ANKS1A: variants seen among roughly 807,000 people sequenced by gnomAD.
The protein encoded by ANKS1A is ankyrin repeat and sterile alpha motif domain containing 1A.
ANKS1A carries 55 observed loss-of-function variants against 120.3 expected under a neutral mutation model. The observed-to-expected ratio is 0.46, with a 90% CI of 0.37 to 0.57. The LOEUF is 0.57. Ranked by LOEUF, ANKS1A falls within the 20% of genes least tolerant of loss-of-function variation. ANKS1A has a pLI of 0.00. For missense variants in ANKS1A, 1,123 were observed against 1,480.3 expected, an observed-to-expected ratio of 0.76 and a Z score of 3.96; for synonymous variants, 590 against 604.7, an observed-to-expected ratio of 0.98 and a Z score of 0.36.
intron 11 of ANKS1A, among the ~76,000 whole-genome samples, chr6:35,028,274 G>C (rs549730255): frequency 6.6e-6 from 1 of 152,328 alleles, no homozygotes; most frequent in Admixed American, 6.5e-5. Flanking sequence ...TGGGCCAAAG[G>C]ACAGTGAAGA....
Position 34,989,320 on chromosome 6 carries a change from G to A in ANKS1A, c.1302+4G>A. ...TTTTCCCTTGACAGCTTCTGAGGTA[G>A]AGGGTTGTGGGTTTATTCCCCATTG... On this transcript the variant is annotated splice_donor_region_variant and intron_variant, in intron 9 of 23. Transcript: ENST00000360359. The A allele has an allele frequency of 6.2e-7, 1 of 1,613,178 alleles. No homozygotes were observed.
intron 1 of ANKS1A, among the ~76,000 whole-genome samples, chr6:34,943,023 A>C (rs1011255872): frequency 6.9e-6 from 1 of 145,540 alleles, no homozygotes; most frequent in Non-Finnish European, 1.5e-5. Flanking sequence ...GCTGGAGTGT[A>C]GTAGTACAGT....
chr6:34,993,705 G>C (rs549738925), intron 9 of ANKS1A, among the ~76,000 whole-genome samples: 61 of 152,354 alleles, frequency 4.0e-4, no homozygotes, highest in Admixed American at 1.4e-3. Context: ...TTGAGGGTCA[G>C]TTGGAAGTCA....
chr6:35,025,031 A>C (rs1254304853), intron 11 of ANKS1A, among the ~76,000 whole-genome samples: 1 of 152,064 alleles, frequency 6.6e-6, no homozygotes, highest in African/African-American at 2.4e-5. Flanking sequence ...TAGGACCTGG[A>C]GTGTCTATTT....
At chr6:35,006,319 A>T (rs887980667) in intron 10 of ANKS1A, among the ~76,000 whole-genome samples, 1 of 152,028 alleles carries the variant, frequency 6.6e-6, no homozygotes, top group Non-Finnish European at 1.5e-5. Context: ...TGTCTCAAAA[A>T]AAAAAAAAGA....
At chr6:34,973,756 C>G (rs546410954) in intron 3 of ANKS1A, among the ~76,000 whole-genome samples, 1 of 152,280 alleles carries the variant, frequency 6.6e-6, no homozygotes, top group Non-Finnish European at 1.5e-5. Flanking sequence ...GCTGTTGGGT[C>G]TTAATGGTAG....
chr6:35,020,377 A>G (rs1010556495), intron 11 of ANKS1A, among the ~76,000 whole-genome samples: 1 of 152,226 alleles, frequency 6.6e-6, no homozygotes, highest in Non-Finnish European at 1.5e-5. Flanking sequence ...GTTATATGCA[A>G]TGTTATTTCA....
intron 2 of ANKS1A, among the ~76,000 whole-genome samples, chr6:34,968,840 C>T (rs1001052796): frequency 6.6e-6 from 1 of 152,130 alleles, no homozygotes; most frequent in African/African-American, 2.4e-5. Context: ...TGTCACTTGT[C>T]CGATATTTGA....
At chr6:34,975,215 A>T (rs1375487896) in intron 3 of ANKS1A, among the ~76,000 whole-genome samples, 4 of 152,158 alleles carry the variant, frequency 2.6e-5, no homozygotes, top group African/African-American at 9.7e-5. Flanking sequence ...GCACTTTGGG[A>T]GGCTGAGGCT....
chr6:35,000,403 T>C (rs1773101266), intron 10 of ANKS1A, among the ~76,000 whole-genome samples: 1 of 151,906 alleles, frequency 6.6e-6, no homozygotes, highest in African/African-American at 2.4e-5. Flanking sequence ...TGTATTATAG[T>C]AACTTCTAAT....
chr6:35,004,448 C>T (rs899804634), intron 10 of ANKS1A, among the ~76,000 whole-genome samples: 34 of 151,796 alleles, frequency 2.2e-4, no homozygotes, highest in African/African-American at 7.3e-4. Flanking sequence ...CATAGCAAGA[C>T]CCCCATCTCT....
At chr6:34,974,429 CCTTT>C (rs1191583074) in intron 3 of ANKS1A, among the ~76,000 whole-genome samples, 5 of 125,264 alleles carry the variant, frequency 4.0e-5, no homozygotes, top group African/African-American at 1.2e-4. Flanking sequence ...CTTCCCCTTT[CCTTT>C]CTTTCTTTCA....
At chr6:35,004,023 T>A (rs755688334) in intron 10 of ANKS1A, among the ~76,000 whole-genome samples, 27 of 152,334 alleles carry the variant, frequency 1.8e-4, no homozygotes, top group Admixed American at 5.9e-4. Context: ...ACTGATGTTA[T>A]CTATAGATTA....
At chr6:34,983,278 T>C (rs1399815562) in intron 6 of ANKS1A, 46 bp from the exon 7 acceptor site, 1 of 1,610,942 alleles carries the variant, frequency 6.2e-7, no homozygotes, top group South Asian at 1.1e-5. Flanking sequence ...GGCATTTGTA[T>C]TTGGTGCAGC....
intron 1 of ANKS1A, among the ~76,000 whole-genome samples, chr6:34,932,117 C>T (rs886646212): frequency 5.3e-5 from 8 of 152,158 alleles, no homozygotes; most frequent in African/African-American, 1.9e-4. Flanking sequence ...GACTTCAGTT[C>T]GAGCCTCAAA....
chr6:35,028,601 A>G (rs955244786), intron 11 of ANKS1A, among the ~76,000 whole-genome samples: 1 of 152,184 alleles, frequency 6.6e-6, no homozygotes, highest in Non-Finnish European at 1.5e-5. Flanking sequence ...TGGTGTTTTG[A>G]ATATCCTTCC....
chr6:34,971,333 A>G (rs369095056), intron 3 of ANKS1A, among the ~76,000 whole-genome samples: 2 of 152,346 alleles, frequency 1.3e-5, no homozygotes, highest in East Asian at 3.9e-4. Context: ...TTACTCTGAG[A>G]ATATACCTGT....
chr6:35,072,711 G>A (rs1270494161), intron 13 of ANKS1A, among the ~76,000 whole-genome samples: 1 of 152,194 alleles, frequency 6.6e-6, no homozygotes, highest in East Asian at 1.9e-4. Context: ...CCCGAGAGGT[G>A]GAGAAAAGGT....
intron 7 of ANKS1A, 87 bp from the exon 8 acceptor site, chr6:34,984,995 C>A: frequency 7.7e-7 from 1 of 1,304,946 alleles, no homozygotes; most frequent in Non-Finnish European, 1.1e-6. Flanking sequence ...GCGCGGGTGA[C>A]TAAAGAGGCT....
Sources: gnomAD v4.1 joint callset for allele counts (sites outside exome capture counted in the v4.1 genomes callset) on GRCh38, gnomAD v4.1.1 for gene constraint, MANE v1.5 for transcripts, NCBI Gene and HGNC (gene_info 2026-07-23, HGNC 2026-07-21) for gene names.